THRSP: variants seen among roughly 807,000 people sequenced by gnomAD.
THRSP encodes the protein thyroid hormone-inducible hepatic protein.
In THRSP, 9 loss-of-function variants were observed where a neutral mutation model predicts 11.1. The ratio of observed to expected loss-of-function variants is 0.81; its 90% CI spans 0.49 to 1.42. THRSP has a LOEUF of 1.42. THRSP is among the 40% of genes most tolerant of loss of function. The pLI, the probability that THRSP is intolerant of heterozygous loss-of-function variation, is 0.00. For missense variants in THRSP, 177 were observed against 188.2 expected (o/e 0.94, Z 0.35); for synonymous variants, 73 against 78.1 (o/e 0.94, Z 0.34).
At chr11:78,067,417 C>T (rs1362553441) in intron 1 of THRSP, among the ~76,000 whole-genome samples, 6 of 152,214 alleles carry the variant, frequency 3.9e-5, no homozygotes, top group African/African-American at 1.2e-4. Flanking sequence ...CCACCACGCC[C>T]GGCCCTAGAC....
chr11:78,064,596 A>G (rs1247617696), intron 1 of THRSP, among the ~76,000 whole-genome samples: 1 of 152,228 alleles, frequency 6.6e-6, no homozygotes, highest in Non-Finnish European at 1.5e-5. Flanking sequence ...GGCATATCTC[A>G]TATGCACATA....
chr11:78,067,077 G>A (rs529450808), intron 1 of THRSP, among the ~76,000 whole-genome samples: 90 of 150,548 alleles, frequency 6.0e-4, no homozygotes, highest in African/African-American at 1.8e-3. Context: ...CTCCCCGCTC[G>A]GCTTCCCAAA....
At position 78,064,073 on chromosome 11, in the gene THRSP, G is replaced by A; in HGVS notation, c.192G>A (p.Lys64=). Residue 64 remains lysine, a synonymous_variant, in exon 1 of 2, where the codon AAG becomes AAA. Coordinates refer to ENST00000281030, the MANE Select transcript of THRSP (RefSeq NM_003251.4). ...TCTACACCTACTTCACCATGCTCAA[G>A]GCCATCTGTGTGGATGTGGACCATG... ...PDLYTYFTML[K]AICVDVDHGL... 1 of 1,614,230 alleles carries A rather than the reference G, an allele frequency of 6.2e-7. No homozygotes were observed.
At chr11:78,066,048 A>G (rs1280429555) in intron 1 of THRSP, among the ~76,000 whole-genome samples, 1 of 152,170 alleles carries the variant, frequency 6.6e-6, no homozygotes, top group African/African-American at 2.4e-5. Context: ...AAGCTAATTC[A>G]TTTCTCTGGG....
At chr11:78,065,038 C>A (rs1858697361) in intron 1 of THRSP, among the ~76,000 whole-genome samples, 1 of 149,368 alleles carries the variant, frequency 6.7e-6, no homozygotes, top group Non-Finnish European at 1.5e-5. Flanking sequence ...TTTAAGTGAA[C>A]ATTGTGAATT....
chr11:78,066,175 T>C (rs1387768545), intron 1 of THRSP, among the ~76,000 whole-genome samples: 1 of 152,196 alleles, frequency 6.6e-6, no homozygotes, highest in Non-Finnish European at 1.5e-5. Flanking sequence ...CCCCCCCACC[T>C]TTTTAAATTT....
chr11:78,064,390 G>A (rs946988389), intron 1 of THRSP, 49 bp downstream of exon 1: 1 of 1,480,688 alleles, frequency 6.8e-7, no homozygotes. Flanking sequence ...GGACATTCCA[G>A]GAGAGGAGAG....
chr11:78,066,591 G>T (rs568518718), intron 1 of THRSP, among the ~76,000 whole-genome samples: 6 of 152,184 alleles, frequency 3.9e-5, no homozygotes, highest in Non-Finnish European at 8.8e-5. Context: ...CCTCTACAGT[G>T]GTATTCCTTA....
In THRSP at chr11:78,063,968, G is replaced by C. The variant is rs1484632973; in HGVS notation, c.87G>C (p.Gln29His). 6.2e-7 allele frequency: 1 copy of C among 1,614,102 alleles called. No homozygotes were observed. The highest frequency in any genetic ancestry group is 8.5e-7 in the Non-Finnish European group (1 of 1,180,002). Reference sequence around the variant, plus strand: ...CAGCCGAGGTGCACAACATGGAGCAGGTGGTGATGATCCCCAGCCTTCTGC... The same window carrying C: ...CAGCCGAGGTGCACAACATGGAGCACGTGGTGATGATCCCCAGCCTTCTGC... ...RYAAEVHNME[Q>H]VVMIPSLLRD... The change falls in exon 1 of 2, where the codon CAG becomes CAC. Residue 29 changes from glutamine to histidine, a missense_variant. By Grantham distance (24) the Gln-to-His change is conservative. Transcript: ENST00000281030.
At chr11:78,066,036 G>C (rs1007929727) in intron 1 of THRSP, among the ~76,000 whole-genome samples, 2 of 152,202 alleles carry the variant, frequency 1.3e-5, no homozygotes, top group African/African-American at 4.8e-5. Flanking sequence ...GGGGCCTTGG[G>C]CAAGCTAATT....
chr11:78,063,980 C>T lies in THRSP; in HGVS notation c.99C>T (p.Ile33=). 1 of 1,614,042 alleles carries T rather than the reference C, an allele frequency of 6.2e-7. No individual in the cohort carries two copies. Among genetic ancestry groups the T allele is most frequent in the Non-Finnish European group, 8.5e-7 (1 of 1,180,008 alleles). ...EVHNMEQVVM[I]PSLLRDVQLS... ...ACAACATGGAGCAGGTGGTGATGATCCCCAGCCTTCTGCGGGACGTGCAGC... is the reference window on the plus strand; with the variant it reads ...ACAACATGGAGCAGGTGGTGATGATTCCCAGCCTTCTGCGGGACGTGCAGC... The change falls in exon 1 of 2, where the codon ATC becomes ATT. Residue 33 remains isoleucine, a synonymous_variant. Transcript: ENST00000281030.
intron 1 of THRSP, among the ~76,000 whole-genome samples, chr11:78,067,124 CTT>C (rs35866233): frequency 5.3e-5 from 7 of 130,892 alleles, no homozygotes; most frequent in East Asian, 2.3e-4. Flanking sequence ...CGCACCCAAC[CTT>C]TTTTTTTTTT....
At position 78,064,337 on chromosome 11, in the gene THRSP, G is replaced by C. The variant is rs908179143; in HGVS notation, c.*15G>C. 3 of 1,591,564 alleles carry C rather than the reference G, an allele frequency of 1.9e-6. No individual in the cohort carries two copies. Among genetic ancestry groups the C allele is most frequent in the Admixed American group, 3.5e-5 (2 of 57,258 alleles). ...AAGTTTGGTAGACCTTGGACACTAG[G>C]GAAGGTAATGGTGGCCATGCTGGTG... On this transcript the variant is annotated 3_prime_UTR_variant, in exon 1 of 2. Transcript: ENST00000281030.
At position 78,064,093 on chromosome 11, in the gene THRSP, A is replaced by C. The variant is rs1591216031; in HGVS notation, c.212A>C (p.Asp71Ala). ...TMLKAICVDV[D>A]HGLLPREEWQ... The stretch of plus-strand genomic sequence containing the variant: ...CTCAAGGCCATCTGTGTGGATGTGG[A>C]CCATGGGCTGCTGCCGCGGGAGGAG... The change falls in exon 1 of 2, where the codon GAC becomes GCC. Residue 71 changes from aspartate (D) to alanine (A), a missense_variant. By Grantham distance (126) the Asp-to-Ala change is moderately radical (BLOSUM62 -2). Coordinates refer to ENST00000281030, the MANE Select transcript of THRSP (RefSeq NM_003251.4). 1 of 1,614,132 alleles carries C rather than the reference A, an allele frequency of 6.2e-7. No homozygotes were observed.
chr11:78,065,970 T>C (rs618445), intron 1 of THRSP, among the ~76,000 whole-genome samples: 133,585 of 152,096 alleles, frequency 0.88, 58,834 homozygotes, highest in African/African-American at 0.93. Context: ...TTGAATTAGA[T>C]GGGGCTGTGT....
chr11:78,066,171 C>A (rs528293556), intron 1 of THRSP, among the ~76,000 whole-genome samples: 38 of 152,282 alleles, frequency 2.5e-4, no homozygotes, highest in Middle Eastern at 6.8e-3. Flanking sequence ...CATCCCCCCC[C>A]ACCTTTTTAA....
Position 78,063,967 on chromosome 11 carries a change from A to C in THRSP, c.86A>C (p.Gln29Pro). Residue 29 changes from glutamine to proline, a missense_variant, in exon 1 of 2, where the codon CAG becomes CCG. By Grantham distance (76) the Gln-to-Pro change is moderately conservative. Transcript: ENST00000281030. Reference sequence around the variant, plus strand: ...GCAGCCGAGGTGCACAACATGGAGCAGGTGGTGATGATCCCCAGCCTTCTG... The same window carrying C: ...GCAGCCGAGGTGCACAACATGGAGCCGGTGGTGATGATCCCCAGCCTTCTG... ...RYAAEVHNME[Q>P]VVMIPSLLRD... is the part of the protein sequence containing the mutation. 6.2e-7 allele frequency: 1 copy of C among 1,614,082 alleles called. No homozygotes were observed. The highest frequency in any genetic ancestry group is 8.5e-7 in the Non-Finnish European group (1 of 1,179,990).
At chr11:78,066,961 G>A (rs377072741) in intron 1 of THRSP, among the ~76,000 whole-genome samples, 17 of 151,834 alleles carry the variant, frequency 1.1e-4, no homozygotes, top group African/African-American at 2.2e-4. Context: ...GAGTAGTTGG[G>A]ACTACAGGTG....
chr11:78,066,128 T>C (rs1858731476), intron 1 of THRSP, among the ~76,000 whole-genome samples: 1 of 152,238 alleles, frequency 6.6e-6, no homozygotes, highest in Admixed American at 6.5e-5. Flanking sequence ...AGTTTTAAGA[T>C]CACTTTGCAT....
Sources: allele counts gnomAD v4.1 joint callset (sites outside exome capture counted in the v4.1 genomes callset), GRCh38; gene constraint gnomAD v4.1.1; transcripts MANE v1.5; gene names NCBI Gene and HGNC (gene_info 2026-07-23, HGNC 2026-07-21).